GLIS3: variants seen among roughly 807,000 people sequenced by gnomAD.
GLIS3 encodes zinc finger protein GLIS3.
In GLIS3, 53 loss-of-function variants were observed where a neutral mutation model predicts 78.6. The observed-to-expected ratio is 0.67, with a 90% CI of 0.54 to 0.85. The LOEUF (loss-of-function observed/expected upper bound fraction) is 0.85, where lower values mean the gene tolerates loss of function less well. Ranked by LOEUF, GLIS3 falls within the 40% of genes least tolerant of loss-of-function variation. The pLI is 0.00. For missense variants in GLIS3, 1,703 were observed against 1,231.1 expected (o/e 1.38, Z -5.74); for synonymous variants, 684 against 509.9 (o/e 1.34, Z -4.60).
At chr9:3,991,098 A>C (rs1234455767) in intron 4 of GLIS3, among the ~76,000 whole-genome samples, 1 of 152,202 alleles carries the variant, frequency 6.6e-6, no homozygotes, top group Non-Finnish European at 1.5e-5. Context: ...ATAGCAGCAG[A>C]AACACCCAGC....
chr9:3,899,941 G>A lies in GLIS3; in HGVS notation c.1984-1106C>T, dbSNP rs145821760. ...GAATAAGGGGTGGCAGCTTTAGATA[G>A]GAGATCAAGGAAAGCCTCTTGAAGA... On this transcript the variant is annotated intron_variant, in intron 6 of 10. Transcript: ENST00000381971. Among the ~76,000 whole-genome samples, 302 of 152,286 alleles carry A rather than the reference G, an allele frequency of 2.0e-3. 1 individual carries two copies. Among genetic ancestry groups the A allele is most frequent in the Non-Finnish European group, 3.3e-3 (226 of 68,022 alleles).
At chr9:3,836,343 C>T (rs974454672) in intron 9 of GLIS3, among the ~76,000 whole-genome samples, 1 of 152,218 alleles carries the variant, frequency 6.6e-6, no homozygotes, top group Non-Finnish European at 1.5e-5. Flanking sequence ...TATTTTTCCG[C>T]AGAGACTATA....
At chr9:4,437,337 G>C in the GLIS3 span, among the ~76,000 whole-genome samples, 1 of 152,148 alleles carries the variant, frequency 6.6e-6, no homozygotes, top group East Asian at 1.9e-4. Flanking sequence ...ATATTTGTAT[G>C]ATTTGAATGA....
At chr9:3,832,013 T>C (rs907567596) in intron 9 of GLIS3, among the ~76,000 whole-genome samples, 1 of 151,906 alleles carries the variant, frequency 6.6e-6, no homozygotes, top group Non-Finnish European at 1.5e-5. Context: ...GAGCAAGTAC[T>C]CTGGATCCTG....
intron 6 of GLIS3, chr9:3,900,922 A>T (rs1823246285): frequency 6.6e-6 from 1 of 152,228 alleles, no homozygotes; most frequent in African/African-American, 2.4e-5. Context: ...GCTTTGAGCA[A>T]CAGGAGAACC....
At chr9:4,486,161 T>C in the GLIS3 span, among the ~76,000 whole-genome samples, 1 of 152,228 alleles carries the variant, frequency 6.6e-6, no homozygotes, top group African/African-American at 2.4e-5. Flanking sequence ...ATAGGAGCTT[T>C]AGGTGTTGTT....
At chr9:3,936,482 G>C (rs1447417813) in intron 5 of GLIS3, among the ~76,000 whole-genome samples, 1 of 152,118 alleles carries the variant, frequency 6.6e-6, no homozygotes, top group African/African-American at 2.4e-5. Flanking sequence ...TCTTGGGAAA[G>C]ATTTACTGTT....
the GLIS3 span, among the ~76,000 whole-genome samples, chr9:4,357,667 T>A: frequency 6.6e-6 from 1 of 152,092 alleles, no homozygotes; most frequent in Non-Finnish European, 1.5e-5. Flanking sequence ...TGAACATCAT[T>A]CAACTTTCAA....
intron 4 of GLIS3, among the ~76,000 whole-genome samples, chr9:4,044,755 A>G (rs1365958361): frequency 1.3e-5 from 2 of 152,152 alleles, no homozygotes; most frequent in African/African-American, 4.8e-5. Context: ...GCTTTCTCAT[A>G]TTTCTTTGAA....
intron 4 of GLIS3, among the ~76,000 whole-genome samples, chr9:4,018,358 G>T (rs1443678336): frequency 1.3e-5 from 2 of 152,148 alleles, no homozygotes; most frequent in African/African-American, 4.8e-5. Flanking sequence ...GCACATATCT[G>T]TCCCCAGAAC....
At chr9:3,882,471 G>A (rs985632370) in intron 7 of GLIS3, among the ~76,000 whole-genome samples, 6 of 152,180 alleles carry the variant, frequency 3.9e-5, no homozygotes, top group African/African-American at 9.6e-5. Context: ...ACCATGCTAC[G>A]GCTGGTGCAT....
In GLIS3 at chr9:4,329,237, A is replaced by AG. The variant is rs140100852; in HGVS notation, n.264+17843dup. On this transcript the variant is annotated intron_variant and non_coding_transcript_variant, in intron 2 of 4. Coordinates refer to the GLIS3 transcript ENST00000471664. ...ATAATGTTCTGAGTCCACGACCCCCAGGCCTGCATGTTGACCAGCTAGGGG... is the reference window on the plus strand; with the variant it reads ...ATAATGTTCTGAGTCCACGACCCCCAGGGCCTGCATGTTGACCAGCTAGGGG... Among the ~76,000 whole-genome samples the AG allele has an allele frequency of 8.8e-3, 1,347 of 152,240 alleles. 14 individuals carry two copies. Among genetic ancestry groups the AG allele is most frequent in the African/African-American group, 0.027 (1,121 of 41,526 alleles).
the GLIS3 span, among the ~76,000 whole-genome samples, chr9:4,480,991 G>A: frequency 6.6e-6 from 1 of 151,966 alleles, no homozygotes. Flanking sequence ...AGTAGCTGGG[G>A]CCATGGGCAA....
At chr9:4,302,131 T>A (rs773464197), upstream of GLIS3, among the ~76,000 whole-genome samples, 1 of 152,128 alleles carries the variant, frequency 6.6e-6, no homozygotes, top group African/African-American at 2.4e-5. Flanking sequence ...CTGGGCTGAA[T>A]TGGTCAGCAG....
In GLIS3 at chr9:3,845,698, C is replaced by A. The variant is rs373303995; in HGVS notation, c.2473+10311G>T. 2.6e-4 allele frequency among the ~76,000 whole-genome samples: 39 copies of A among 152,288 alleles called. No homozygotes were observed. In the East Asian group the frequency reaches 6.6e-3, roughly 26 times the overall value. On this transcript the variant is annotated intron_variant, in intron 9 of 10. Coordinates refer to ENST00000381971, the MANE Select transcript of GLIS3 (RefSeq NM_001042413.2). ...TACCCGTACTTGAGCAAGCACAGTG[C>A]ATAATGGCATGTACACATACACACG...
intron 4 of GLIS3, among the ~76,000 whole-genome samples, chr9:3,982,870 C>T (rs1819417276): frequency 1.3e-5 from 2 of 152,192 alleles, no homozygotes; most frequent in Non-Finnish European, 2.9e-5. Context: ...GCCTAAGTCA[C>T]CATAGGGTCA....
At chr9:4,168,354 C>T (rs1014966656) in intron 2 of GLIS3, among the ~76,000 whole-genome samples, 9 of 152,108 alleles carry the variant, frequency 5.9e-5, no homozygotes, top group African/African-American at 1.9e-4. Context: ...AGACTGTTAA[C>T]GGGACTCTAT....
intron 2 of GLIS3, among the ~76,000 whole-genome samples, chr9:4,281,605 G>T (rs188857122): frequency 6.6e-6 from 1 of 152,314 alleles, no homozygotes; most frequent in East Asian, 1.9e-4. Context: ...TGTGGCATGT[G>T]TCAGAACTTC....
chr9:4,308,326 G>A (rs1587376638), intron 4 of GLIS3, among the ~76,000 whole-genome samples: 1 of 152,080 alleles, frequency 6.6e-6, no homozygotes, highest in Non-Finnish European at 1.5e-5. Context: ...GGAGGATAAA[G>A]GGGTTACCAG....
Sources: allele counts gnomAD v4.1 joint callset (sites outside exome capture counted in the v4.1 genomes callset), GRCh38; gene constraint gnomAD v4.1.1; transcripts MANE v1.5; gene names NCBI Gene and HGNC (gene_info 2026-07-23, HGNC 2026-07-21).